SYNE1: variants seen among roughly 807,000 people sequenced by gnomAD.
SYNE1 encodes the protein spectrin repeat containing nuclear envelope protein 1, also known as nesprin-1.
In SYNE1, 616 loss-of-function variants were observed where a neutral mutation model predicts 1,111.0. That is an observed-to-expected ratio of 0.55 (90% CI 0.52 to 0.59). SYNE1 has a LOEUF of 0.59. SYNE1 is among the 20% of genes least tolerant of loss of function. The pLI is 0.00. For missense variants in SYNE1, 10,006 were observed against 10,417.0 expected, an observed-to-expected ratio of 0.96 and a Z score of 1.72; for synonymous variants, 3,855 against 3,825.8, an observed-to-expected ratio of 1.01 and a Z score of -0.28.
At chr6:152,251,637 T>C (rs1331092388) in intron 104 of SYNE1, among the ~76,000 whole-genome samples, 1 of 150,732 alleles carries the variant, frequency 6.6e-6, no homozygotes, top group Non-Finnish European at 1.5e-5. Flanking sequence ...CGGGCGCCTG[T>C]AGTCCCAGCT....
chr6:152,186,579 A>AC (rs2070100031), intron 128 of SYNE1, among the ~76,000 whole-genome samples: 1 of 145,448 alleles, frequency 6.9e-6, no homozygotes, highest in African/African-American at 2.5e-5. Flanking sequence ...AAAAAAAAAA[A>AC]AAAAAAAAAA....
At chr6:152,332,495 T>A (rs1000470658) in intron 77 of SYNE1, among the ~76,000 whole-genome samples, 3 of 152,240 alleles carry the variant, frequency 2.0e-5, no homozygotes, top group Non-Finnish European at 2.9e-5. Flanking sequence ...TCTTATCAAC[T>A]GAGCAGAATC....
At chr6:152,614,277 A>G (rs911158222) in intron 3 of SYNE1, among the ~76,000 whole-genome samples, 1 of 152,232 alleles carries the variant, frequency 6.6e-6, no homozygotes, top group Non-Finnish European at 1.5e-5. Context: ...AAAGAACTCA[A>G]ATTTACAAGA....
chr6:152,182,889 G>A (rs1254965799), intron 128 of SYNE1, among the ~76,000 whole-genome samples: 1 of 152,196 alleles, frequency 6.6e-6, no homozygotes. Flanking sequence ...TGGGTTGGGT[G>A]ACACTGGTGA....
intron 3 of SYNE1, among the ~76,000 whole-genome samples, chr6:152,555,455 T>C (rs1277370682): frequency 6.6e-6 from 1 of 152,208 alleles, no homozygotes; most frequent in African/African-American, 2.4e-5. Context: ...AGTAAAAGGC[T>C]ATTAACACAT....
At chr6:152,455,340 T>A (rs1466680411) in intron 24 of SYNE1, 86 bp downstream of exon 24, 8 of 1,444,778 alleles carry the variant, frequency 5.5e-6, no homozygotes, top group Non-Finnish European at 7.5e-6. Context: ...TCCTTCTGTA[T>A]CAGATCAGCA....
At chr6:152,599,155 A>C (rs1293973690) in intron 3 of SYNE1, among the ~76,000 whole-genome samples, 2 of 152,208 alleles carry the variant, frequency 1.3e-5, no homozygotes, top group African/African-American at 4.8e-5. Flanking sequence ...TGTATTAAAA[A>C]CACTAAATCC....
chr6:152,348,480 T>C (rs2096680155), intron 72 of SYNE1, among the ~76,000 whole-genome samples: 1 of 152,026 alleles, frequency 6.6e-6, no homozygotes, highest in Non-Finnish European at 1.5e-5. Context: ...AGGTCAGGAG[T>C]TAGAGACCAG....
chr6:152,478,198 A>G (rs919678758), intron 14 of SYNE1, among the ~76,000 whole-genome samples: 6 of 152,244 alleles, frequency 3.9e-5, no homozygotes, highest in African/African-American at 1.4e-4. Flanking sequence ...ATGGCAAGAT[A>G]AAAGCTTGAT....
At chr6:152,261,920 G>T in intron 101 of SYNE1, 112 bp downstream of exon 101, 1 of 830,884 alleles carries the variant, frequency 1.2e-6, no homozygotes, top group Non-Finnish European at 1.8e-6. Flanking sequence ...TTGGTGTCAT[G>T]TCTTAGTTTG....
chr6:152,329,239 C>A (rs1217499580), intron 78 of SYNE1, among the ~76,000 whole-genome samples: 1 of 151,980 alleles, frequency 6.6e-6, no homozygotes, highest in Non-Finnish European at 1.5e-5. Context: ...CAATTAAAAT[C>A]ACCTGGCCAG....
intron 124 of SYNE1, among the ~76,000 whole-genome samples, chr6:152,209,842 T>C (rs750907332): frequency 2.0e-5 from 3 of 152,172 alleles, no homozygotes; most frequent in Admixed American, 1.3e-4. Context: ...TATTAATCAA[T>C]GTACTAGCAT....
At chr6:152,325,450 T>C in intron 80 of SYNE1, 148 bp from the exon 81 acceptor site, 2 of 718,716 alleles carry the variant, frequency 2.8e-6, no homozygotes, top group Non-Finnish European at 4.7e-6. Flanking sequence ...TACTCTTACT[T>C]TTATGTTTAT....
Position 152,195,372 on chromosome 6 carries a change from G to A in SYNE1, c.23146-5965C>T, listed in dbSNP as rs77684119. 3.3e-5 allele frequency among the ~76,000 whole-genome samples: 5 copies of A among 152,320 alleles called. No homozygotes were observed. In the East Asian group the frequency reaches 5.8e-4, roughly 18 times the overall value. ...CTTGCAGATGTTTGCTGGTGTCTTC[G>A]TATTGAAGAATTAGGTATTTATTGT... is the stretch of plus-strand genomic sequence containing the variant. On this transcript the variant is annotated intron_variant, in intron 127 of 145. Coordinates refer to ENST00000367255, the MANE Select transcript of SYNE1 (RefSeq NM_182961.4).
At chr6:152,298,181 A>C (rs972183106) in intron 93 of SYNE1, among the ~76,000 whole-genome samples, 4 of 152,224 alleles carry the variant, frequency 2.6e-5, no homozygotes, top group African/African-American at 9.6e-5. Flanking sequence ...CAATGCTGTG[A>C]ATTAAGTAGT....
At chr6:152,143,565 C>T in intron 138 of SYNE1, 58 bp downstream of exon 138, 3 of 1,613,130 alleles carry the variant, frequency 1.9e-6, no homozygotes, top group Non-Finnish European at 2.5e-6. Context: ...ACGAACTGTT[C>T]TTTGACACAG....
chr6:152,327,328 A>T (rs2096098665), intron 78 of SYNE1, among the ~76,000 whole-genome samples: 1 of 152,178 alleles, frequency 6.6e-6, no homozygotes, highest in Non-Finnish European at 1.5e-5. Flanking sequence ...AAAAAAAAGA[A>T]ATATAGCAAC....
At chr6:152,388,881 G>A (rs1434809771) in intron 53 of SYNE1, among the ~76,000 whole-genome samples, 1 of 152,164 alleles carries the variant, frequency 6.6e-6, no homozygotes, top group African/African-American at 2.4e-5. Flanking sequence ...TTCCTATGAA[G>A]TTTTAGGAAA....
intron 63 of SYNE1, among the ~76,000 whole-genome samples, chr6:152,363,488 C>T (rs1035237554): frequency 7.5e-5 from 11 of 147,566 alleles, no homozygotes; most frequent in African/African-American, 2.7e-4. Context: ...AGCAAGACTC[C>T]GTCTCAAACT....
Sources: allele counts gnomAD v4.1 joint callset (sites outside exome capture counted in the v4.1 genomes callset), GRCh38; gene constraint gnomAD v4.1.1; transcripts MANE v1.5; gene names NCBI Gene and HGNC (gene_info 2026-07-23, HGNC 2026-07-21).